The following SH3BGRL2 variants were observed in gnomAD, a reference collection of about 807,000 sequenced individuals.
SH3BGRL2 encodes SH3 domain-binding glutamic acid-rich-like protein 2.
Under a neutral mutation model 14.8 loss-of-function variants are expected in SH3BGRL2, and 21 were observed. The observed-to-expected ratio is 1.42, with a 90% CI of 1.01 to 2.05. The LOEUF (loss-of-function observed/expected upper bound fraction) is 2.05. Ranked by LOEUF, SH3BGRL2 falls within the 30% of genes most tolerant of loss-of-function variation. The pLI, the probability that SH3BGRL2 is intolerant of heterozygous loss-of-function variation, is 0.00. For missense variants in SH3BGRL2, 147 were observed against 130.8 expected (o/e 1.12, Z -0.61); for synonymous variants, 50 against 47.8 (o/e 1.05, Z -0.19).
intron 1 of SH3BGRL2, among the ~76,000 whole-genome samples, chr6:79,667,070 G>T (rs1414199695): frequency 6.6e-6 from 1 of 152,172 alleles, no homozygotes; most frequent in Non-Finnish European, 1.5e-5. Context: ...TCTATTAAAA[G>T]AAAAGCTTTA....
chr6:79,693,171 C>T (rs1232609502), intron 2 of SH3BGRL2, among the ~76,000 whole-genome samples: 2 of 152,102 alleles, frequency 1.3e-5, no homozygotes, highest in South Asian at 2.1e-4. Context: ...CTATTATTGG[C>T]GTATAGGAAT....
At chr6:79,560,867 CTTTTTTTTTTTTTTT>C in the SH3BGRL2 span, among the ~76,000 whole-genome samples, 21 of 45,784 alleles carry the variant, frequency 4.6e-4, no homozygotes, top group East Asian at 7.3e-3. Context: ...ACAATACACT[CTTTTTTTTTTTTTTT>C]TTTTTTTTTT....
At chr6:79,633,640 G>A (rs562608647) in intron 1 of SH3BGRL2, among the ~76,000 whole-genome samples, 1 of 152,106 alleles carries the variant, frequency 6.6e-6, no homozygotes, top group African/African-American at 2.4e-5. Flanking sequence ...ATATTCTGCT[G>A]TTTGAAGACC....
chr6:79,619,266 T>C, the SH3BGRL2 span, among the ~76,000 whole-genome samples: 13 of 152,270 alleles, frequency 8.5e-5, no homozygotes, highest in East Asian at 2.3e-3. Context: ...CATCTGTATG[T>C]ATAATTTCCT....
the SH3BGRL2 span, among the ~76,000 whole-genome samples, chr6:79,550,820 G>C: frequency 6.6e-6 from 1 of 152,120 alleles, no homozygotes; most frequent in African/African-American, 2.4e-5. Flanking sequence ...TCAGTGTCAT[G>C]ATCATGGTAT....
At chr6:79,634,794 T>G (rs1431350351) in intron 1 of SH3BGRL2, among the ~76,000 whole-genome samples, 1 of 151,880 alleles carries the variant, frequency 6.6e-6, no homozygotes, top group Non-Finnish European at 1.5e-5. Context: ...GATAGAAAAA[T>G]ATAGGAGGCA....
intron 1 of SH3BGRL2, among the ~76,000 whole-genome samples, chr6:79,672,379 A>G (rs775491715): frequency 3.3e-5 from 5 of 152,222 alleles, no homozygotes; most frequent in African/African-American, 7.2e-5. Flanking sequence ...TTAAAACAGT[A>G]TAAACACAAG....
intron 2 of SH3BGRL2, 97 bp from the exon 3 acceptor site, chr6:79,696,388 A>C: frequency 3.5e-6 from 3 of 855,182 alleles, no homozygotes; most frequent in Non-Finnish European, 5.6e-6. Flanking sequence ...GAGCAATGGT[A>C]CATTTTTTAC....
the SH3BGRL2 span, among the ~76,000 whole-genome samples, chr6:79,578,512 C>T: frequency 1.3e-5 from 2 of 152,194 alleles, no homozygotes; most frequent in Non-Finnish European, 2.9e-5. Flanking sequence ...AAACAGCATC[C>T]AGAGTGGACC....
chr6:79,588,089 T>G, the SH3BGRL2 span, among the ~76,000 whole-genome samples: 3 of 152,008 alleles, frequency 2.0e-5, no homozygotes, highest in South Asian at 2.1e-4. Flanking sequence ...GTCAGGAGAT[T>G]GAGACCATTC....
the SH3BGRL2 span, among the ~76,000 whole-genome samples, chr6:79,553,725 A>T: frequency 6.6e-6 from 1 of 152,100 alleles, no homozygotes; most frequent in Non-Finnish European, 1.5e-5. Flanking sequence ...TAATCCTAGC[A>T]CTTGGGGAGG....
intron 1 of SH3BGRL2, among the ~76,000 whole-genome samples, chr6:79,665,919 A>G (rs1156744731): frequency 6.6e-6 from 1 of 152,236 alleles, no homozygotes; most frequent in Non-Finnish European, 1.5e-5. Flanking sequence ...CTAGTAAGAT[A>G]AACTGAAATA....
chr6:79,603,659 A>G, the SH3BGRL2 span, among the ~76,000 whole-genome samples: 1 of 152,302 alleles, frequency 6.6e-6, no homozygotes, highest in East Asian at 1.9e-4. Context: ...AGCTGGCAGG[A>G]AAATCAGCCC....
intron 1 of SH3BGRL2, among the ~76,000 whole-genome samples, chr6:79,648,279 T>TATATAAATATAA (rs752182712): frequency 1.7e-5 from 2 of 117,186 alleles, no homozygotes; most frequent in Non-Finnish European, 3.5e-5. Flanking sequence ...TATATATATA[T>TATATAAATATAA]ATATTTGACA....
chr6:79,633,837 TA>T, intron 1 of SH3BGRL2, among the ~76,000 whole-genome samples: 1 of 152,354 alleles, frequency 6.6e-6, no homozygotes, highest in East Asian at 1.9e-4. Context: ...TAATGATTTC[TA>T]AGAACCAGTG....
chr6:79,703,254 T>A lies in SH3BGRL2; in HGVS notation c.*3745T>A, dbSNP rs1407077961. On this transcript the variant is annotated 3_prime_UTR_variant, in exon 4 of 4. Transcript: ENST00000369838. ...AGGGGAATAGAAACAAAGCAGCAGT[T>A]TTAGCCAGGGTTCAATGATAGAGTG... The A allele has an allele frequency of 2.0e-5, 3 of 152,152 alleles. No individual in the cohort carries two copies. The highest frequency in any genetic ancestry group is 7.2e-5 in the African/African-American group (3 of 41,438). 9.4% of individuals were successfully genotyped at this position (152,152 alleles called of 1,614,324 possible).
At chr6:79,664,705 G>T (rs1315108061) in intron 1 of SH3BGRL2, among the ~76,000 whole-genome samples, 1 of 152,178 alleles carries the variant, frequency 6.6e-6, no homozygotes, top group Non-Finnish European at 1.5e-5. Flanking sequence ...TTAACAGTTT[G>T]ATAGTTGAAA....
intron 1 of SH3BGRL2, among the ~76,000 whole-genome samples, chr6:79,651,749 GTTAT>G (rs1228999648): frequency 6.6e-6 from 1 of 152,080 alleles, no homozygotes; most frequent in African/African-American, 2.4e-5. Flanking sequence ...ACATGCAACT[GTTAT>G]TAAACAGTGC....
chr6:79,648,207 T>G (rs113937429), intron 1 of SH3BGRL2, among the ~76,000 whole-genome samples: 9 of 142,614 alleles, frequency 6.3e-5, no homozygotes, highest in African/African-American at 2.3e-4. Flanking sequence ...CCCTATGTGA[T>G]CTGATTCTGA....
Sources: gnomAD v4.1 joint callset for allele counts (sites outside exome capture counted in the v4.1 genomes callset) on GRCh38, gnomAD v4.1.1 for gene constraint, MANE v1.5 for transcripts, NCBI Gene and HGNC (gene_info 2026-07-23, HGNC 2026-07-21) for gene names.